Variants in TBL1XR1 observed in about 807,000 individuals in gnomAD.
The protein encoded by TBL1XR1 is TBL1X/Y related 1, also known as F-box-like/WD repeat-containing protein TBL1XR1.
A neutral mutation model predicts 66.9 loss-of-function variants in TBL1XR1; 5 were observed. The ratio of observed to expected loss-of-function variants is 0.07; its 90% CI spans 0.04 to 0.16. The LOEUF (loss-of-function observed/expected upper bound fraction) is 0.16, where lower values mean the gene tolerates loss of function less well. Ranked by LOEUF, TBL1XR1 falls within the 10% of genes least tolerant of loss-of-function variation. The pLI, the probability that TBL1XR1 is intolerant of heterozygous loss-of-function variation, is 1.00. For missense variants in TBL1XR1, 238 were observed against 623.2 expected, an observed-to-expected ratio of 0.38 and a Z score of 6.58; for synonymous variants, 210 against 206.0, an observed-to-expected ratio of 1.02 and a Z score of -0.17.
At chr3:177,060,672 A>G (rs1718400841) in intron 3 of TBL1XR1, among the ~76,000 whole-genome samples, 1 of 152,236 alleles carries the variant, frequency 6.6e-6, no homozygotes. Flanking sequence ...GCAAATAACT[A>G]AAGAAGTCAA....
rs538757353 is a variant in TBL1XR1, at chr3:177,145,419, T to C, written c.-121-46878A>G. ...CCTGGGTAAACAAATATGTATGGAA[T>C]ACAGAGACCTGACAAGGGGGACATA... On this transcript the variant is annotated intron_variant, in intron 1 of 15. Coordinates refer to ENST00000457928, the MANE Select transcript of TBL1XR1 (RefSeq NM_024665.7). 1.5e-3 allele frequency among the ~76,000 whole-genome samples: 226 copies of C among 152,246 alleles called. 1 individual carries two copies. The highest frequency in any genetic ancestry group is 2.0e-3 in the Non-Finnish European group (137 of 68,006).
intron 1 of TBL1XR1, among the ~76,000 whole-genome samples, chr3:177,154,799 T>C (rs890504075): frequency 3.1e-4 from 47 of 152,110 alleles, no homozygotes; most frequent in Non-Finnish European, 1.0e-4. Context: ...TCTAAACACT[T>C]GACAAACTGG....
At chr3:177,071,096 T>C (rs949091907) in intron 2 of TBL1XR1, among the ~76,000 whole-genome samples, 5 of 145,354 alleles carry the variant, frequency 3.4e-5, no homozygotes, top group African/African-American at 1.3e-4. Flanking sequence ...GGTGGTGCGA[T>C]CTCGGCTCAC....
intron 1 of TBL1XR1, among the ~76,000 whole-genome samples, chr3:177,165,061 T>G (rs1014593059): frequency 6.6e-6 from 1 of 152,188 alleles, no homozygotes; most frequent in Non-Finnish European, 1.5e-5. Context: ...TTATGGGTTC[T>G]AGCTAACACA....
chr3:177,196,767 G>C (rs980561139), intron 1 of TBL1XR1, among the ~76,000 whole-genome samples: 1 of 151,934 alleles, frequency 6.6e-6, no homozygotes, highest in Admixed American at 6.6e-5. Context: ...CAAAAAGGGG[G>C]TGTAAATGCA....
At chr3:177,077,678 T>A (rs1351216177) in intron 2 of TBL1XR1, among the ~76,000 whole-genome samples, 1 of 152,226 alleles carries the variant, frequency 6.6e-6, no homozygotes, top group Non-Finnish European at 1.5e-5. Flanking sequence ...CATTCTAACA[T>A]GTCCCACAAA....
chr3:177,130,527 G>A (rs996338265), intron 1 of TBL1XR1, among the ~76,000 whole-genome samples: 1 of 152,142 alleles, frequency 6.6e-6, no homozygotes, highest in African/African-American at 2.4e-5. Flanking sequence ...GTACTTTTCT[G>A]TATATAGTAA....
At chr3:177,091,769 T>TAC (rs1436148189) in intron 2 of TBL1XR1, among the ~76,000 whole-genome samples, 1 of 152,304 alleles carries the variant, frequency 6.6e-6, no homozygotes, top group Non-Finnish European at 1.5e-5. Context: ...AACAACTCAG[T>TAC]ACTTTGAAAA....
intron 10 of TBL1XR1, among the ~76,000 whole-genome samples, chr3:177,045,900 C>G (rs1038623268): frequency 1.3e-5 from 2 of 152,074 alleles, no homozygotes; most frequent in Admixed American, 1.3e-4. Flanking sequence ...ATAATGCCAC[C>G]TCTAATTGCA....
In TBL1XR1 at chr3:177,165,771, C is replaced by T. The variant is rs186338211; in HGVS notation, c.-122+31350G>A. ...CATATGCAAAAAACCAGTCTAGACT[C>T]AGCCCTCACACTCTTCACAAAAACT... On this transcript the variant is annotated intron_variant, in intron 1 of 15. Transcript: ENST00000457928. 5.3e-5 allele frequency among the ~76,000 whole-genome samples: 8 copies of T among 152,282 alleles called. No individual in the cohort carries two copies. The East Asian group carries it at 1.5e-3, about 29-fold the overall frequency.
At chr3:177,201,690 C>G (rs937105854), upstream of TBL1XR1, 1 of 152,110 alleles carries the variant, frequency 6.6e-6, no homozygotes, top group Non-Finnish European at 1.5e-5. Flanking sequence ...ACATTTGATA[C>G]CAAAAATATT....
At chr3:177,058,615 G>T (rs1014176826) in intron 3 of TBL1XR1, among the ~76,000 whole-genome samples, 3 of 152,056 alleles carry the variant, frequency 2.0e-5, no homozygotes, top group Non-Finnish European at 2.9e-5. Context: ...AATGTGTGTT[G>T]TTTTTTTCTC....
At chr3:177,200,170 C>G (rs1737311930), upstream of TBL1XR1, among the ~76,000 whole-genome samples, 1 of 152,098 alleles carries the variant, frequency 6.6e-6, no homozygotes, top group Non-Finnish European at 1.5e-5. Flanking sequence ...TGGGGTTTCT[C>G]CATGTTGGTC....
At chr3:177,148,458 G>GT (rs1324254421) in intron 1 of TBL1XR1, among the ~76,000 whole-genome samples, 1 of 152,236 alleles carries the variant, frequency 6.6e-6, no homozygotes, top group Non-Finnish European at 1.5e-5. Context: ...GCTCACGCCT[G>GT]TAATGCCAGC....
chr3:177,046,210 AAAAT>A (rs1716305649), intron 9 of TBL1XR1, 21 bp from the exon 10 acceptor site: 4 of 1,523,136 alleles, frequency 2.6e-6, no homozygotes, highest in African/African-American at 1.4e-5. Context: ...AAGGAAAAGA[AAAAT>A]AAACTCATGG....
chr3:177,176,581 G>A lies in TBL1XR1; in HGVS notation c.-122+20540C>T, dbSNP rs190069875. On this transcript the variant is annotated intron_variant, in intron 1 of 15. Coordinates refer to ENST00000457928, the MANE Select transcript of TBL1XR1 (RefSeq NM_024665.7). Reference sequence around the variant, plus strand: ...TAATCCCAGCACTTTGGGAGGCCAAGGCAGGTGAATCACCTGAGGTCAGGA... The same window carrying A: ...TAATCCCAGCACTTTGGGAGGCCAAAGCAGGTGAATCACCTGAGGTCAGGA... Among the ~76,000 whole-genome samples, 1,077 of 151,316 alleles carry A rather than the reference G, an allele frequency of 7.1e-3. 20 individuals are homozygous for A. Among genetic ancestry groups the A allele is most frequent in the African/African-American group, 0.025 (1,014 of 41,326 alleles).
At chr3:177,025,936 T>C (rs188791965) in intron 15 of TBL1XR1, 216 of 281,634 alleles carry the variant, frequency 7.7e-4, no homozygotes, top group Non-Finnish European at 1.2e-3. Context: ...TGCATTGTTG[T>C]AAAGAGTTGG....
At chr3:177,184,387 C>A (rs1434963624) in intron 1 of TBL1XR1, among the ~76,000 whole-genome samples, 1 of 152,170 alleles carries the variant, frequency 6.6e-6, no homozygotes, top group Non-Finnish European at 1.5e-5. Context: ...CACCTAATGT[C>A]CAAACCCTTG....
At chr3:177,041,395 G>A (rs1715563079) in intron 10 of TBL1XR1, among the ~76,000 whole-genome samples, 1 of 152,108 alleles carries the variant, frequency 6.6e-6, no homozygotes, top group South Asian at 2.1e-4. Flanking sequence ...GGCTGAGACT[G>A]GGCCTTTCTT....
Sources: allele counts gnomAD v4.1 joint callset (sites outside exome capture counted in the v4.1 genomes callset), GRCh38; gene constraint gnomAD v4.1.1; transcripts MANE v1.5; gene names NCBI Gene and HGNC (gene_info 2026-07-23, HGNC 2026-07-21).